Variants in ACADM observed in about 807,000 individuals in gnomAD.
ACADM encodes the protein acyl-CoA dehydrogenase medium chain.
In ACADM, 49 loss-of-function variants were observed where a neutral mutation model predicts 58.9. The ratio of observed to expected loss-of-function variants is 0.83; its 90% CI spans 0.66 to 1.06. The LOEUF (loss-of-function observed/expected upper bound fraction) is 1.06, where lower values mean the gene tolerates loss of function less well. Among genes scored for constraint, ACADM ranks in the 50% least tolerant of loss-of-function variants. The pLI, the probability that ACADM is intolerant of heterozygous loss-of-function variation, is 0.00. For synonymous variants in ACADM, 160 were observed against 157.7 expected, an observed-to-expected ratio of 1.01 and a Z score of -0.11; for missense variants, 496 against 507.0, an observed-to-expected ratio of 0.98 and a Z score of 0.21.
At position 75,724,750 on chromosome 1, in the gene ACADM, C is replaced by T. The variant is rs371787277; in HGVS notation, c.-38C>T. The stretch of plus-strand genomic sequence containing the variant: ...CGGGGAGTATGTCAAGGCCGTGACC[C>T]GTGTATTATTGTCCGAGTGGCCGGA... On this transcript the variant is annotated 5_prime_UTR_variant, in exon 1 of 12. Coordinates refer to ENST00000370841, the MANE Select transcript of ACADM (RefSeq NM_000016.6). 25 of 1,536,470 alleles carry T rather than the reference C, an allele frequency of 1.6e-5. No homozygotes were observed. In the African/African-American group the frequency reaches 2.3e-4, roughly 14 times the overall value.
In ACADM at chr1:75,727,236, C is replaced by A. The variant is rs138585438; in HGVS notation, c.31-1165C>A. On this transcript the variant is annotated intron_variant, in intron 1 of 11. Coordinates refer to ENST00000370841, the MANE Select transcript of ACADM (RefSeq NM_000016.6). ...GTTTCAATTACAAATATTTGACACT[C>A]TTAATTATATTGTCACCTTACATGT... is the stretch of plus-strand genomic sequence containing the variant. Among the ~76,000 whole-genome samples the A allele has an allele frequency of 2.3e-3, 355 of 152,270 alleles. 1 individual carries two copies. The highest frequency in any genetic ancestry group is 3.9e-3 in the Admixed American group (59 of 15,290).
At chr1:75,729,957 C>T (rs1647122529) in intron 2 of ACADM, among the ~76,000 whole-genome samples, 1 of 130,144 alleles carries the variant, frequency 7.7e-6, no homozygotes, top group African/African-American at 2.9e-5. Flanking sequence ...TGCAGTAGCT[C>T]CATCTGGGCT....
chr1:75,733,144 A>C, intron 4 of ACADM: 3 of 1,612,524 alleles, frequency 1.9e-6, no homozygotes, highest in Non-Finnish European at 2.5e-6. Context: ...TTGCACCTAA[A>C]CCTTGGTAAC....
intron 7 of ACADM, chr1:75,744,357 A>C: frequency 6.3e-7 from 1 of 1,592,850 alleles, no homozygotes; most frequent in Admixed American, 1.7e-5. Context: ...TGAGTGTGAA[A>C]AGCGGAGTGC....
At position 75,761,208 on chromosome 1, in the gene ACADM, T is replaced by C. The variant is rs774315514; in HGVS notation, c.1032T>C (p.Val344=). ...RMSYQRAAWE[V]DSGRRNTYYA... is the part of the protein sequence containing the mutation. The stretch of plus-strand genomic sequence containing the variant: ...GTTACCAGAGAGCAGCTTGGGAGGT[T>C]GATTCTGGTCGTCGAAATACCTATT... Residue 344 remains valine, a synonymous_variant, in exon 11 of 12, where the codon GTT becomes GTC. Coordinates refer to ENST00000370841, the MANE Select transcript of ACADM (RefSeq NM_000016.6). The C allele has an allele frequency of 1.9e-6, 3 of 1,614,214 alleles. No individual in the cohort carries two copies.
chr1:75,740,022 G>T lies in ACADM; in HGVS notation c.511G>T (p.Gly171Cys). The T allele has an allele frequency of 1.2e-6, 2 of 1,612,684 alleles. No individual in the cohort carries two copies. The highest frequency in any genetic ancestry group is 2.2e-5 in the South Asian group (2 of 91,042). ...TEPGAGSDVA[G>C]IKTKAEKKGD... Reference sequence around the variant, plus strand: ...ACCTGGAGCAGGCTCTGATGTAGCTGGTATAAAGACCAAAGCAGAAAAGAA... The same window carrying T: ...ACCTGGAGCAGGCTCTGATGTAGCTTGTATAAAGACCAAAGCAGAAAAGAA... Residue 171 changes from glycine (G) to cysteine (C), a missense_variant, in exon 7 of 12, where the codon GGT becomes TGT. Gly to Cys is a radical substitution (Grantham distance 159, BLOSUM62 -3). Transcript: ENST00000370841.
At chr1:75,725,103 C>T (rs140170256) in intron 1 of ACADM, among the ~76,000 whole-genome samples, 1 of 152,026 alleles carries the variant, frequency 6.6e-6, no homozygotes, top group African/African-American at 2.4e-5. Context: ...AAATATTTAC[C>T]GCGGGAATCC....
chr1:75,747,810 A>T (rs940435290), intron 8 of ACADM, among the ~76,000 whole-genome samples: 1 of 152,224 alleles, frequency 6.6e-6, no homozygotes, highest in Non-Finnish European at 1.5e-5. Context: ...TTTGTGTTTT[A>T]GAAATTATAT....
rs993949506 is a variant in ACADM at position 75,744,211 on chromosome 1, C to T, written c.600-1595C>T. ...GTTTGCTAGAAGGAGGTTGTGAGGG[C>T]GAGGGCACTGGTGGCATCGAGTGGG... On this transcript the variant is annotated intron_variant, in intron 7 of 11. Transcript: ENST00000370841. 1.2e-5 allele frequency: 19 copies of T among 1,575,166 alleles called. 1 individual carries two copies. The highest frequency in any genetic ancestry group is 3.3e-4 in the Middle Eastern group (2 of 6,014).
At chr1:75,743,893 T>G in intron 7 of ACADM, 1 of 1,440,828 alleles carries the variant, frequency 6.9e-7, no homozygotes, top group Non-Finnish European at 9.8e-7. Flanking sequence ...TACAACAGGC[T>G]GTTCCTGCAA....
chr1:75,729,680 G>A (rs1647116863), intron 2 of ACADM, among the ~76,000 whole-genome samples: 1 of 149,236 alleles, frequency 6.7e-6, no homozygotes, highest in African/African-American at 2.5e-5. Context: ...TTTTAGTAGG[G>A]ATGGGGTTTT....
chr1:75,734,889 C>T lies in ACADM; in HGVS notation c.468+18C>T, dbSNP rs1647214779. The T allele has an allele frequency of 6.3e-7, 1 of 1,578,218 alleles. No homozygotes were observed. Among genetic ancestry groups the T allele is most frequent in the Non-Finnish European group, 8.7e-7 (1 of 1,147,738 alleles). On this transcript the variant is annotated intron_variant, in intron 6 of 11. Transcript: ENST00000370841. ...TGATGTGTGTGAGTATGTGTAACTG[C>T]CGCTTTATTTCACACTTAAGAAGGG...
At chr1:75,762,637 A>G (rs1392246366) in intron 11 of ACADM, 55 bp from the exon 12 acceptor site, 1 of 1,134,188 alleles carries the variant, frequency 8.8e-7, no homozygotes, top group Non-Finnish European at 1.3e-6. Context: ...TGTTGAATAA[A>G]TCAAAGTATT....
chr1:75,737,326 A>ATC (rs1647327054), intron 6 of ACADM, among the ~76,000 whole-genome samples: 1 of 108,582 alleles, frequency 9.2e-6, no homozygotes, highest in Non-Finnish European at 1.9e-5. Flanking sequence ...ATATATATAT[A>ATC]TGAAACCAAA....
At chr1:75,743,718 C>T in intron 7 of ACADM, 1 of 1,509,256 alleles carries the variant, frequency 6.6e-7, no homozygotes, top group Non-Finnish European at 9.2e-7. Flanking sequence ...TCTTTCGGGC[C>T]TTCTCTCCCA....
In ACADM at chr1:75,734,819, A is replaced by G. The variant is rs756233015; in HGVS notation, c.416A>G (p.Asp139Gly). The G allele has an allele frequency of 5.0e-6, 8 of 1,613,948 alleles. No individual in the cohort carries two copies. Among genetic ancestry groups the G allele is most frequent in the Middle Eastern group, 3.3e-4 (2 of 6,056 alleles). Residue 139 changes from aspartate (D) to glycine (G), a missense_variant, in exon 6 of 12, where the codon GAT (aspartate) becomes GGT (glycine). Coordinates refer to ENST00000370841, the MANE Select transcript of ACADM (RefSeq NM_000016.6). ...ATGCCTATTATTATTGCTGGAAATG[A>G]TCAACAAAAGAAGAAGTATTTGGGG... ...GQMPIIIAGN[D>G]QQKKKYLGRM...
intron 11 of ACADM, among the ~76,000 whole-genome samples, 191 bp from the exon 12 acceptor site, chr1:75,762,501 T>C (rs1271446052): frequency 1.3e-5 from 2 of 152,192 alleles, no homozygotes; most frequent in East Asian, 3.8e-4. Flanking sequence ...ACTTAACCAA[T>C]CTTTAGAGAA....
rs565131848 is a variant in ACADM, at chr1:75,734,829, G to A, written c.426G>A (p.Lys142=). Residue 142 remains lysine, a synonymous_variant, in exon 6 of 12, where the codon AAG becomes AAA. Transcript: ENST00000370841. The part of the protein sequence containing the change: ...PIIIAGNDQQ[K]KKYLGRMTEE... ...TTATTGCTGGAAATGATCAACAAAA[G>A]AAGAAGTATTTGGGGAGAATGACTG... is the stretch of plus-strand genomic sequence containing the variant. 1.1e-5 allele frequency: 17 copies of A among 1,613,924 alleles called. No individual in the cohort carries two copies. The African/African-American group carries it at 1.5e-4, about 14-fold the overall frequency.
chr1:75,744,564 A>G, intron 7 of ACADM: 7 of 1,462,406 alleles, frequency 4.8e-6, no homozygotes, highest in Non-Finnish European at 6.7e-6. Context: ...TTTTGACTGT[A>G]ACCAAGTCAT....
Sources: gnomAD v4.1 joint callset for allele counts (sites outside exome capture counted in the v4.1 genomes callset) on GRCh38, gnomAD v4.1.1 for gene constraint, MANE v1.5 for transcripts, NCBI Gene and HGNC (gene_info 2026-07-23, HGNC 2026-07-21) for gene names.